FSTL4: variants seen among roughly 807,000 people sequenced by gnomAD.
FSTL4 encodes follistatin-related protein 4.
In FSTL4, 28 loss-of-function variants were observed where a neutral mutation model predicts 78.2. The observed-to-expected ratio is 0.36, with a 90% CI of 0.27 to 0.49. The LOEUF is 0.49. Ranked by LOEUF, FSTL4 falls within the 20% of genes least tolerant of loss-of-function variation. The probability of loss-of-function intolerance (pLI) is 0.98; values close to 1 mark genes in which losing one functional copy is unlikely to be tolerated. For synonymous variants in FSTL4, 422 were observed against 440.5 expected, an observed-to-expected ratio of 0.96 and a Z score of 0.53; for missense variants, 922 against 1,084.9, an observed-to-expected ratio of 0.85 and a Z score of 2.11.
the FSTL4 span, among the ~76,000 whole-genome samples, chr5:133,624,530 C>A: frequency 2.0e-5 from 3 of 151,596 alleles, no homozygotes; most frequent in Non-Finnish European, 4.4e-5. Flanking sequence ...TGCGCAACAT[C>A]GTGAATATGC....
At chr5:133,800,817 T>C in the FSTL4 span, among the ~76,000 whole-genome samples, 1 of 152,028 alleles carries the variant, frequency 6.6e-6, no homozygotes, top group Non-Finnish European at 1.5e-5. Context: ...TGCCTTTTAG[T>C]CAACAATTAT....
intron 13 of FSTL4, among the ~76,000 whole-genome samples, chr5:133,214,583 CCT>C (rs3087111): frequency 0.015 from 2,290 of 152,266 alleles, 59 homozygotes; most frequent in African/African-American, 0.052. Context: ...TGAACTTTTA[CCT>C]CTCTCTTCAA....
At chr5:133,382,555 T>C (rs1166053827) in intron 4 of FSTL4, among the ~76,000 whole-genome samples, 2 of 152,024 alleles carry the variant, frequency 1.3e-5, no homozygotes, top group East Asian at 3.9e-4. Flanking sequence ...GTTTGGAAAA[T>C]TGGAGAGAGG....
chr5:133,297,085 T>A (rs550424224), intron 6 of FSTL4, among the ~76,000 whole-genome samples: 1 of 152,230 alleles, frequency 6.6e-6, no homozygotes, highest in South Asian at 2.1e-4. Flanking sequence ...GAAGGCATTT[T>A]GAAAAAAAGC....
the FSTL4 span, among the ~76,000 whole-genome samples, chr5:133,793,972 C>T: frequency 1.3e-5 from 2 of 152,214 alleles, no homozygotes; most frequent in Non-Finnish European, 2.9e-5. Context: ...CCCTGAGAAG[C>T]CATCTGCTTG....
the FSTL4 span, among the ~76,000 whole-genome samples, chr5:133,627,502 A>G: frequency 6.6e-6 from 1 of 152,218 alleles, no homozygotes; most frequent in Non-Finnish European, 1.5e-5. Context: ...GAGAGCTGCA[A>G]TTCAAGATGA....
At chr5:133,324,961 T>A (rs1754170734) in intron 4 of FSTL4, among the ~76,000 whole-genome samples, 1 of 152,218 alleles carries the variant, frequency 6.6e-6, no homozygotes, top group Non-Finnish European at 1.5e-5. Context: ...TGCAATGCTG[T>A]TCCCATGGAG....
the FSTL4 span, among the ~76,000 whole-genome samples, chr5:133,633,911 C>T: frequency 6.6e-6 from 1 of 151,970 alleles, no homozygotes; most frequent in African/African-American, 2.4e-5. Context: ...TTCAATCTTC[C>T]TATTAGGCCT....
chr5:133,237,807 C>CT (rs1395676179), intron 7 of FSTL4, among the ~76,000 whole-genome samples: 1 of 151,566 alleles, frequency 6.6e-6, no homozygotes, highest in African/African-American at 2.4e-5. Flanking sequence ...CTGAATACTG[C>CT]TATCAACGCT....
the FSTL4 span, among the ~76,000 whole-genome samples, chr5:133,650,981 A>AT: frequency 8.5e-5 from 13 of 152,178 alleles, no homozygotes; most frequent in Non-Finnish European, 1.9e-4. Flanking sequence ...TATGAAAAGC[A>AT]TTTTATTTTT....
chr5:133,371,842 C>T (rs921680433), intron 4 of FSTL4, among the ~76,000 whole-genome samples: 1 of 152,180 alleles, frequency 6.6e-6, no homozygotes, highest in African/African-American at 2.4e-5. Context: ...GACCTCGCTC[C>T]CGGGGCAGAA....
chr5:133,580,860 C>A (rs902763128), intron 2 of FSTL4, among the ~76,000 whole-genome samples: 25 of 152,194 alleles, frequency 1.6e-4, no homozygotes, highest in African/African-American at 5.1e-4. Flanking sequence ...ATTTACTAAG[C>A]AATTACCCAC....
At chr5:133,239,444 A>G (rs1751767123) in intron 7 of FSTL4, among the ~76,000 whole-genome samples, 3 of 152,246 alleles carry the variant, frequency 2.0e-5, no homozygotes, top group Admixed American at 2.0e-4. Flanking sequence ...GGGGACTTGG[A>G]GAACCTTTAT....
intron 3 of FSTL4, among the ~76,000 whole-genome samples, chr5:133,449,639 C>A (rs962388410): frequency 6.6e-6 from 1 of 152,066 alleles, no homozygotes; most frequent in African/African-American, 2.4e-5. Context: ...CCACCCCAGG[C>A]GGGGTCCGAG....
At chr5:133,585,218 A>G (rs368951085) in intron 2 of FSTL4, among the ~76,000 whole-genome samples, 473 of 38,984 alleles carry the variant, frequency 0.012, no homozygotes, top group East Asian at 0.067. Context: ...AAGAAACTGC[A>G]TCAACTAATG....
the FSTL4 span, among the ~76,000 whole-genome samples, chr5:133,715,559 C>T: frequency 6.6e-6 from 1 of 152,190 alleles, no homozygotes; most frequent in Non-Finnish European, 1.5e-5. Context: ...TATGCTTCAG[C>T]ATAGACTTAG....
At chr5:133,316,755 C>T (rs552918732) in intron 4 of FSTL4, 103 bp from the exon 5 acceptor site, 10 of 936,240 alleles carry the variant, frequency 1.1e-5, no homozygotes, top group East Asian at 7.5e-5. Flanking sequence ...AGCCACCAGG[C>T]GTTCACTATG....
the FSTL4 span, among the ~76,000 whole-genome samples, chr5:133,625,702 C>T: frequency 2.0e-4 from 19 of 95,594 alleles, no homozygotes; most frequent in Admixed American, 3.2e-4. Flanking sequence ...GAGGTGTGAG[C>T]TAAGATTATT....
intron 6 of FSTL4, among the ~76,000 whole-genome samples, chr5:133,302,290 G>T (rs1022863748): frequency 1.3e-5 from 2 of 152,038 alleles, no homozygotes; most frequent in Non-Finnish European, 2.9e-5. Context: ...TCTCCCATTG[G>T]TTTATTTCCA....
Sources: allele counts gnomAD v4.1 joint callset (sites outside exome capture counted in the v4.1 genomes callset), GRCh38; gene constraint gnomAD v4.1.1; transcripts MANE v1.5; gene names NCBI Gene and HGNC (gene_info 2026-07-23, HGNC 2026-07-21).